ITLN1: variants seen among roughly 807,000 people sequenced by gnomAD.
ITLN1 encodes the protein intelectin-1.
In ITLN1, 29 loss-of-function variants were observed where a neutral mutation model predicts 36.2. The observed-to-expected ratio is 0.80, with a 90% confidence interval of 0.60 to 1.09. ITLN1 has a LOEUF of 1.09. Among genes scored for constraint, ITLN1 ranks in the 50% least tolerant of loss-of-function variants. ITLN1 has a pLI of 0.00. For synonymous variants in ITLN1, 143 were observed against 146.5 expected (o/e 0.98, Z 0.17); for missense variants, 358 against 405.2 (o/e 0.88, Z 1.00).
chr1:160,881,823 A>G, intron 4 of ITLN1, 134 bp downstream of exon 4: 1 of 1,161,748 alleles, frequency 8.6e-7, no homozygotes. Context: ...AAAAAAAAAA[A>G]AAGATATAAG....
chr1:160,879,913 T>G (rs2101909172), intron 6 of ITLN1, among the ~76,000 whole-genome samples: 1 of 152,098 alleles, frequency 6.6e-6, no homozygotes, highest in East Asian at 1.9e-4. Context: ...GAAAAAAAAG[T>G]CTCGCCATTT....
intron 4 of ITLN1, 195 bp from the exon 5 acceptor site, chr1:160,881,507 T>G (rs1286377472): frequency 3.3e-6 from 2 of 600,284 alleles, no homozygotes; most frequent in African/African-American, 1.9e-5. Flanking sequence ...AGGAGGAAGT[T>G]GTGATTCAAA....
intron 7 of ITLN1, among the ~76,000 whole-genome samples, chr1:160,878,753 T>G (rs1670633664): frequency 6.6e-6 from 1 of 152,110 alleles, no homozygotes; most frequent in Admixed American, 6.6e-5. Context: ...TCTTTGGAAT[T>G]TGTCAATCCC....
chr1:160,885,065 T>C lies in ITLN1; in HGVS notation c.-11A>G. The C allele has an allele frequency of 1.8e-6, 1 of 543,354 alleles. No individual in the cohort carries two copies. The highest frequency in any genetic ancestry group is 3.3e-6 in the Non-Finnish European group (1 of 299,914). The allele number at this position is 543,354 out of a possible 1,614,324, so 33.7% of individuals were successfully genotyped here. A position where few individuals can be genotyped will look rare whatever the true frequency, so the allele number is the denominator to read the frequency against. On this transcript the variant is annotated 5_prime_UTR_variant, in exon 1 of 8. Coordinates refer to ENST00000326245, the MANE Select transcript of ITLN1 (RefSeq NM_017625.3). ...GGATTCCCCCAACTCACAGACCTTG[T>C]CTGAGTCTCAGCTGCACTTTCCTTG...
At chr1:160,884,321 T>C (rs1670724427) in intron 2 of ITLN1, among the ~76,000 whole-genome samples, 1 of 152,106 alleles carries the variant, frequency 6.6e-6, no homozygotes, top group South Asian at 2.1e-4. Flanking sequence ...CTGACCTCAG[T>C]TTCCTCATAC....
In ITLN1 at chr1:160,882,081, C is replaced by T; in HGVS notation, c.281G>A (p.Cys94Tyr). 4 of 1,614,206 alleles carry T rather than the reference C, an allele frequency of 2.5e-6. No individual in the cohort carries two copies. The highest frequency in any genetic ancestry group is 3.4e-6 in the Non-Finnish European group (4 of 1,180,046). The part of the protein sequence containing the change: ...SVHENDMRGK[C>Y]TVGDRWSSQQ... ...ACTGGACCAGCGATCGCCCACCGTG[C>T]ACTTCCCACGCATGTCATTCTCGTG... The change falls in exon 4 of 8, where the codon TGC (cysteine) becomes TAC (tyrosine). Residue 94 changes from cysteine to tyrosine, a missense_variant. Cys to Tyr is a radical substitution (Grantham distance 194). Transcript: ENST00000326245.
At chr1:160,881,854 G>T in intron 4 of ITLN1, 103 bp downstream of exon 4, 4 of 1,297,298 alleles carry the variant, frequency 3.1e-6, no homozygotes, top group South Asian at 1.2e-5. Context: ...TTCTTCTCCA[G>T]CCCATCCCAC....
chr1:160,883,616 T>C (rs1235580991), intron 2 of ITLN1, 90 bp from the exon 3 acceptor site: 3 of 881,600 alleles, frequency 3.4e-6, no homozygotes, highest in East Asian at 2.6e-5. Context: ...TCCACCACTG[T>C]AGCAGAACCT....
intron 6 of ITLN1, among the ~76,000 whole-genome samples, chr1:160,880,305 C>A (rs1444661415): frequency 3.4e-5 from 5 of 145,632 alleles, no homozygotes; most frequent in Admixed American, 6.8e-5. Context: ...AACTCCATCT[C>A]AAAAAAAAAA....
At chr1:160,880,865 G>C (rs1670663919) in intron 5 of ITLN1, among the ~76,000 whole-genome samples, 157 bp from the exon 6 acceptor site, 1 of 152,196 alleles carries the variant, frequency 6.6e-6, no homozygotes, top group South Asian at 2.1e-4. Context: ...CCATGACACT[G>C]CTGCCAGTTA....
intron 5 of ITLN1, among the ~76,000 whole-genome samples, 191 bp from the exon 6 acceptor site, chr1:160,880,899 A>T (rs956821927): frequency 1.3e-5 from 2 of 152,178 alleles, no homozygotes; most frequent in African/African-American, 4.8e-5. Flanking sequence ...CTTCTGCGGC[A>T]GCCTGGACCA....
Position 160,881,279 on chromosome 1 carries a change from G to T in ITLN1, c.439C>A (p.Leu147Met), listed in dbSNP as rs748191342. 1 of 1,609,336 alleles carries T rather than the reference G, an allele frequency of 6.2e-7. No homozygotes were observed. The highest frequency in any genetic ancestry group is 8.5e-7 in the Non-Finnish European group (1 of 1,177,520). The stretch of plus-strand genomic sequence containing the variant: ...TTATTGGGCACGTGCCAGATGCCCA[G>T]GTCCTTGGCCTGGATGTCGTAGTAG... Reference protein sequence around the residue: ...PGYYDIQAKDLGIWHVPNKSP... With the variant: ...PGYYDIQAKDMGIWHVPNKSP... Residue 147 changes from leucine (L) to methionine (M), a missense_variant, in exon 5 of 8, where the codon CTG becomes ATG. Transcript: ENST00000326245.
rs1670735278 is a variant in ITLN1 at position 160,884,948 on chromosome 1, C to A, written c.-6-65G>T. 4 of 1,038,658 alleles carry A rather than the reference C, an allele frequency of 3.9e-6. No homozygotes were observed. In the Admixed American group the frequency reaches 5.3e-5, roughly 14 times the overall value. The allele number at this position is 1,038,658 out of a possible 1,614,324, so 64.3% of individuals were successfully genotyped here. ...TTTTTCTCTACATCCCTGCCCCACC[C>A]CTGTCCAGTCTTACAAAGACTCCAA... On this transcript the variant is annotated intron_variant, in intron 1 of 7. Transcript: ENST00000326245.
rs371709655 is a variant in ITLN1, at chr1:160,879,277, C to T, written c.789+34G>A. 6.0e-6 allele frequency: 9 copies of T among 1,501,922 alleles called. No individual in the cohort carries two copies. The African/African-American group carries it at 1.1e-4, about 18-fold the overall frequency. The allele number at this position is 1,501,922 out of a possible 1,614,324, so 93.0% of individuals were successfully genotyped here. A position where few individuals can be genotyped will look rare whatever the true frequency, so the allele number is the denominator to read the frequency against. ...ACACACACGGACAAACTCGACCTTA[C>T]TCACAGGTCCCTGCAGTCCCCACAG... On this transcript the variant is annotated intron_variant, in intron 7 of 7. Coordinates refer to ENST00000326245, the MANE Select transcript of ITLN1 (RefSeq NM_017625.3).
chr1:160,878,288 C>T (rs1016191419), intron 7 of ITLN1, among the ~76,000 whole-genome samples: 14 of 152,108 alleles, frequency 9.2e-5, no homozygotes, highest in African/African-American at 3.1e-4. Flanking sequence ...TCCCAGAAGC[C>T]GAAGCCGCTA....
At chr1:160,881,342 G>A in intron 4 of ITLN1, 30 bp from the exon 5 acceptor site, 1 of 1,536,028 alleles carries the variant, frequency 6.5e-7, no homozygotes, top group Non-Finnish European at 8.8e-7. Context: ...GAGCCTGACT[G>A]GGCCAGGAGG....
At chr1:160,880,821 G>C (rs1459133606) in intron 5 of ITLN1, 113 bp from the exon 6 acceptor site, 1 of 1,261,738 alleles carries the variant, frequency 7.9e-7, no homozygotes, top group Non-Finnish European at 1.1e-6. Flanking sequence ...CAGTAACTGA[G>C]ATTACTTCAA....
intron 5 of ITLN1, 53 bp from the exon 6 acceptor site, chr1:160,880,761 C>G: frequency 3.1e-6 from 5 of 1,598,498 alleles, no homozygotes; most frequent in Non-Finnish European, 4.3e-6. Context: ...TTTGCCATTA[C>G]CAGCATCTCC....
intron 6 of ITLN1, among the ~76,000 whole-genome samples, chr1:160,879,989 G>A (rs1018908600): frequency 2.0e-5 from 3 of 152,132 alleles, no homozygotes; most frequent in African/African-American, 7.2e-5. Context: ...CTGAGAGTGG[G>A]TTGTTAGGAG....
Sources: gnomAD v4.1 joint callset for allele counts (sites outside exome capture counted in the v4.1 genomes callset) on GRCh38, gnomAD v4.1.1 for gene constraint, MANE v1.5 for transcripts, NCBI Gene and HGNC (gene_info 2026-07-23, HGNC 2026-07-21) for gene names.